Variants in UGT1A1 observed in about 807,000 individuals in gnomAD.
UGT1A1 encodes the protein UDP glucuronosyltransferase family 1 member A1, also known as UDP-glucuronosyltransferase 1A1.
In UGT1A1, 33 loss-of-function variants were observed where a neutral mutation model predicts 40.6. The observed-to-expected ratio is 0.81, with a 90% confidence interval of 0.62 to 1.09. The LOEUF is 1.09. Ranked by LOEUF, UGT1A1 falls within the 50% of genes least tolerant of loss-of-function variation. The probability of loss-of-function intolerance (pLI) is 0.00; values close to 1 mark genes in which losing one functional copy is unlikely to be tolerated. For missense variants in UGT1A1, 694 were observed against 671.2 expected, an observed-to-expected ratio of 1.03 and a Z score of -0.38; for synonymous variants, 249 against 265.0, an observed-to-expected ratio of 0.94 and a Z score of 0.59.
intron 1 of UGT1A1, among the ~76,000 whole-genome samples, chr2:233,763,208 C>A (rs998860630): frequency 1.3e-5 from 2 of 152,170 alleles, no homozygotes; most frequent in Non-Finnish European, 2.9e-5. Flanking sequence ...TGCAGTCAGG[C>A]TTAGGTGTGA....
chr2:233,761,475 T>C (rs930055799), intron 1 of UGT1A1, among the ~76,000 whole-genome samples: 6 of 152,232 alleles, frequency 3.9e-5, no homozygotes, highest in African/African-American at 1.2e-4. Flanking sequence ...GAAAACTCAG[T>C]TGAAGCCTGC....
intron 4 of UGT1A1, 57 bp from the exon 5 acceptor site, chr2:233,772,205 A>T: frequency 6.2e-7 from 1 of 1,608,796 alleles, no homozygotes; most frequent in Non-Finnish European, 8.5e-7. Flanking sequence ...GAGCATAAAG[A>T]GAGGATTGTT....
rs1374994213 is a variant in UGT1A1, at chr2:233,760,350, C to T, written c.63C>T (p.Gly21=). Residue 21 remains glycine, a synonymous_variant, in exon 1 of 5, where the codon GGC becomes GGT. Transcript: ENST00000305208. The part of the protein sequence containing the change: ...LVLGLLLCVL[G]PVVSHAGKIL... ...TGGGCCTGCTGCTGTGTGTGCTGGG[C>T]CCAGTGGTGTCCCATGCTGGGAAGA... The T allele has an allele frequency of 1.2e-6, 2 of 1,613,944 alleles. No homozygotes were observed. The highest frequency in any genetic ancestry group is 2.7e-5 in the African/African-American group (2 of 74,934).
At chr2:233,762,035 T>C (rs960173120) in intron 1 of UGT1A1, among the ~76,000 whole-genome samples, 7 of 152,218 alleles carry the variant, frequency 4.6e-5, no homozygotes, top group African/African-American at 1.4e-4. Flanking sequence ...TTTTTTTTAA[T>C]TTTCTGTGCA....
At chr2:233,767,000 A>C (rs750045241) in intron 1 of UGT1A1, 34 bp from the exon 2 acceptor site, 2 of 1,613,618 alleles carry the variant, frequency 1.2e-6, no homozygotes, top group Non-Finnish European at 1.7e-6. Flanking sequence ...GAATATGAGA[A>C]AAAATTAACT....
chr2:233,766,745 T>C (rs1337689607), intron 1 of UGT1A1, among the ~76,000 whole-genome samples: 1 of 152,196 alleles, frequency 6.6e-6, no homozygotes, highest in Non-Finnish European at 1.5e-5. Flanking sequence ...TGTACAGGTG[T>C]GTGCATGTGT....
At chr2:233,762,893 C>G (rs960157189) in intron 1 of UGT1A1, among the ~76,000 whole-genome samples, 1 of 152,100 alleles carries the variant, frequency 6.6e-6, no homozygotes. Context: ...AATTCCATGC[C>G]AAATATCAGG....
chr2:233,761,222 C>T, intron 1 of UGT1A1, 71 bp downstream of exon 1: 1 of 1,613,374 alleles, frequency 6.2e-7, no homozygotes, highest in Admixed American at 1.7e-5. Flanking sequence ...GATTAACTAG[C>T]CCCAGATATA....
rs749836255 is a variant in UGT1A1 at position 233,760,959 on chromosome 2, C to T, written c.672C>T (p.Asp224=). 27 of 1,614,184 alleles carry T rather than the reference C, an allele frequency of 1.7e-5. No homozygotes were observed. The highest frequency in any genetic ancestry group is 1.9e-5 in the Non-Finnish European group (23 of 1,180,034). The change falls in exon 1 of 5, where the codon GAC becomes GAT. Residue 224 remains aspartate (D), a synonymous_variant. Transcript: ENST00000305208. ...CCTTTTCACAGAACTTTCTGTGCGA[C>T]GTGGTTTATTCCCCGTATGCAACCC... ...LIAFSQNFLC[D]VVYSPYATLA...
In UGT1A1 at chr2:233,772,647, T is replaced by C. The variant is rs1430291963; in HGVS notation, c.*88T>C. 7 of 1,549,866 alleles carry C rather than the reference T, an allele frequency of 4.5e-6. No homozygotes were observed. In the African/African-American group the frequency reaches 5.5e-5, roughly 12 times the overall value. On this transcript the variant is annotated 3_prime_UTR_variant, in exon 5 of 5. Transcript: ENST00000305208. ...CAGAATCAGTGTTAAATTCATTTTATTCTTATTAAGGAAATACTTTGCATA... is the reference window on the plus strand; with the variant it reads ...CAGAATCAGTGTTAAATTCATTTTACTCTTATTAAGGAAATACTTTGCATA...
At chr2:233,770,445 G>A (rs1397015735) in intron 4 of UGT1A1, 1 of 152,118 alleles carries the variant, frequency 6.6e-6, no homozygotes, top group Middle Eastern at 3.2e-3. Flanking sequence ...CTTGAGGTTA[G>A]GAGTTCGAAA....
At position 233,772,339 on chromosome 2, in the gene UGT1A1, G is replaced by A; in HGVS notation, c.1382G>A (p.Trp461Ter). The change falls in exon 5 of 5, where the codon TGG (tryptophan) becomes TAG (stop). Residue 461 changes from tryptophan to a stop codon, truncating the protein, a stop_gained. Transcript: ENST00000305208. LOFTEE classifies it high-confidence loss of function. ...GAGCCGCTGGACCTGGCCGTGTTCT[G>A]GGTGGAGTTTGTGATGAGGCACAAG... ...PVEPLDLAVF[W>*]VEFVMRHKGA... 2 of 1,614,256 alleles carry A rather than the reference G, an allele frequency of 1.2e-6. No homozygotes were observed. The highest frequency in any genetic ancestry group is 1.7e-6 in the Non-Finnish European group (2 of 1,180,038).
chr2:233,762,461 T>G (rs1698085001), intron 1 of UGT1A1, among the ~76,000 whole-genome samples: 1 of 152,214 alleles, frequency 6.6e-6, no homozygotes, highest in African/African-American at 2.4e-5. Flanking sequence ...TTACCGATAA[T>G]GTCATGGATA....
chr2:233,765,443 C>A (rs1381375490), intron 1 of UGT1A1, among the ~76,000 whole-genome samples: 1 of 152,114 alleles, frequency 6.6e-6, no homozygotes, highest in Non-Finnish European at 1.5e-5. Flanking sequence ...GGAATGAGAT[C>A]ATATTCTTTG....
rs752420110 is a variant in UGT1A1, at chr2:233,767,943, T to C, written c.1084+7T>C. The C allele has an allele frequency of 3.2e-5, 51 of 1,614,076 alleles. No homozygotes were observed. The highest frequency in any genetic ancestry group is 1.6e-4 in the East Asian group (7 of 44,900). On this transcript the variant is annotated splice_region_variant and intron_variant, in intron 3 of 4. Transcript: ENST00000305208. ...CCCCAAAACGATCTGCTTGGTATGT[T>C]GGGCGGATTGGATGTATAGGTCAAA...
chr2:233,768,643 G>T (rs1699688311), intron 4 of UGT1A1, among the ~76,000 whole-genome samples: 1 of 136,596 alleles, frequency 7.3e-6, no homozygotes. Context: ...CTGGAGTGCA[G>T]TGGTGCAATC....
chr2:233,769,620 A>G lies in UGT1A1; in HGVS notation c.1304+1181A>G. The G allele has an allele frequency of 6.2e-7, 1 of 1,612,636 alleles. No homozygotes were observed. Among genetic ancestry groups the G allele is most frequent in the Non-Finnish European group, 8.5e-7 (1 of 1,179,796 alleles). ...AACACGGGGACACACCAGCTTGAGCAAGGGACAACAGGGGAGGACTGATGA... is the reference window on the plus strand; with the variant it reads ...AACACGGGGACACACCAGCTTGAGCGAGGGACAACAGGGGAGGACTGATGA... On this transcript the variant is annotated intron_variant, in intron 4 of 4. Transcript: ENST00000305208. This position sits in a 1 kb window ranked among gnomAD's most constrained non-coding sequence, Gnocchi z 4.4.
chr2:233,767,876 C>A lies in UGT1A1; in HGVS notation c.1024C>A (p.Pro342Thr), dbSNP rs773195449. ...TVLWRYTGTR[P>T]SNLANNTILV... ...CCTGTGGCGGTACACTGGAACCCGA[C>A]CATCGAATCTTGCGAACAACACGAT... The change falls in exon 3 of 5, where the codon CCA becomes ACA. Residue 342 changes from proline (P) to threonine (T), a missense_variant. Physicochemically the swap from Pro to Thr is conservative, Grantham distance 38 (BLOSUM62 -1). Transcript: ENST00000305208. 23 of 1,614,060 alleles carry A rather than the reference C, an allele frequency of 1.4e-5. No individual in the cohort carries two copies. The highest frequency in any genetic ancestry group is 1.8e-5 in the Non-Finnish European group (21 of 1,180,054).
chr2:233,768,371 C>T lies in UGT1A1; in HGVS notation c.1236C>T (p.Thr412=). The T allele has an allele frequency of 6.2e-7, 1 of 1,614,074 alleles. No homozygotes were observed. Among genetic ancestry groups the T allele is most frequent in the South Asian group, 1.1e-5 (1 of 91,082 alleles). ...TGGAGACTAAGGGAGCTGGAGTGAC[C>T]CTGAATGTTCTGGAAATGACTTCTG... is the stretch of plus-strand genomic sequence containing the variant. The part of the protein sequence containing the change: ...KRMETKGAGV[T]LNVLEMTSED... Residue 412 remains threonine, a synonymous_variant, in exon 4 of 5, where the codon ACC becomes ACT. Coordinates refer to ENST00000305208, the MANE Select transcript of UGT1A1 (RefSeq NM_000463.3).
Sources: gnomAD v4.1 joint callset for allele counts (sites outside exome capture counted in the v4.1 genomes callset) on GRCh38, gnomAD v4.1.1 for gene constraint, Gnocchi (gnomAD v3.1) non-coding constraint, MANE v1.5 for transcripts, NCBI Gene and HGNC (gene_info 2026-07-23, HGNC 2026-07-21) for gene names.